NCKAP5: variants seen among roughly 807,000 people sequenced by gnomAD.
NCKAP5 encodes NCK associated protein 5.
NCKAP5 carries 92 observed loss-of-function variants against 167.0 expected under a neutral mutation model. The ratio of observed to expected loss-of-function variants is 0.55; its 90% CI spans 0.47 to 0.66. The LOEUF is 0.66. Ranked by LOEUF, NCKAP5 falls within the 30% of genes least tolerant of loss-of-function variation. NCKAP5 has a pLI of 0.00. For synonymous variants in NCKAP5, 891 were observed against 877.4 expected (o/e 1.02, Z -0.27); for missense variants, 2,378 against 2,315.0 (o/e 1.03, Z -0.56).
At position 133,178,170 on chromosome 2, in the gene NCKAP5, C is replaced by G. The variant is rs111655647; in HGVS notation, c.207+35546G>C. Among the ~76,000 whole-genome samples, 12 of 152,132 alleles carry G rather than the reference C, an allele frequency of 7.9e-5. No homozygotes were observed. In the East Asian group the frequency reaches 2.1e-3, roughly 27 times the overall value. Reference sequence around the variant, plus strand: ...ATCCTCCCTTTTCTCCTACTGGAGACGTAGCAATAGATGCCAGGCAGAGCC... The same window carrying G: ...ATCCTCCCTTTTCTCCTACTGGAGAGGTAGCAATAGATGCCAGGCAGAGCC... On this transcript the variant is annotated intron_variant, in intron 5 of 19. Coordinates refer to ENST00000409261, the MANE Select transcript of NCKAP5 (RefSeq NM_207363.3).
chr2:133,641,815 T>A, the NCKAP5 span, among the ~76,000 whole-genome samples: 1 of 152,326 alleles, frequency 6.6e-6, no homozygotes, highest in South Asian at 2.1e-4. Context: ...AACTCTTCCA[T>A]GGCAGGCTCA....
chr2:133,548,368 A>C (rs896283220), intron 2 of NCKAP5, among the ~76,000 whole-genome samples: 24 of 152,080 alleles, frequency 1.6e-4, no homozygotes, highest in Non-Finnish European at 2.9e-4. Flanking sequence ...GATTCAGGAA[A>C]TACAGAGAAT....
chr2:133,213,734 T>C lies in NCKAP5; in HGVS notation c.189A>G (p.Arg63=). ...VARLQREVAQ[R]TSEGAMHEKL... ...GACTTACCATGGCCCCCTCACTTGT[T>C]CTTTGGGCAACTTCTCGCTGTAGTC... Residue 63 remains arginine (R), a synonymous_variant, in exon 5 of 20, where the codon AGA becomes AGG. Coordinates refer to ENST00000409261, the MANE Select transcript of NCKAP5 (RefSeq NM_207363.3). 1 of 1,613,772 alleles carries C rather than the reference T, an allele frequency of 6.2e-7. No homozygotes were observed. Among genetic ancestry groups the C allele is most frequent in the Non-Finnish European group, 8.5e-7 (1 of 1,179,784 alleles).
chr2:133,654,421 A>C, the NCKAP5 span, among the ~76,000 whole-genome samples: 1 of 146,804 alleles, frequency 6.8e-6, no homozygotes, highest in Non-Finnish European at 1.5e-5. Context: ...AATCCCTCAA[A>C]TCTGTAGACT....
chr2:133,255,773 G>A (rs1434727357), intron 4 of NCKAP5, among the ~76,000 whole-genome samples: 1 of 152,180 alleles, frequency 6.6e-6, no homozygotes, highest in East Asian at 1.9e-4. Context: ...ATCTCTGGTA[G>A]TCTCAGCAAT....
intron 16 of NCKAP5, among the ~76,000 whole-genome samples, chr2:132,732,512 A>G (rs1026233300): frequency 3.3e-5 from 5 of 152,182 alleles, no homozygotes; most frequent in African/African-American, 1.2e-4. Flanking sequence ...CATGAAGTGG[A>G]CCTTTTTGAA....
chr2:133,658,801 T>A, the NCKAP5 span, among the ~76,000 whole-genome samples: 1 of 152,092 alleles, frequency 6.6e-6, no homozygotes, highest in African/African-American at 2.4e-5. Flanking sequence ...TTCCCCAATA[T>A]CCTGCTGATT....
At chr2:133,011,680 G>A (rs2078165735) in intron 6 of NCKAP5, among the ~76,000 whole-genome samples, 1 of 152,184 alleles carries the variant, frequency 6.6e-6, no homozygotes, top group Non-Finnish European at 1.5e-5. Context: ...CAGTTAATAA[G>A]CATGGCTATT....
chr2:133,465,267 T>A (rs977248568), intron 3 of NCKAP5, among the ~76,000 whole-genome samples: 2 of 151,556 alleles, frequency 1.3e-5, no homozygotes, highest in African/African-American at 4.8e-5. Flanking sequence ...TGTTTGGTTT[T>A]CTGTTCTTGA....
At chr2:132,918,420 G>C (rs1431628727) in intron 8 of NCKAP5, among the ~76,000 whole-genome samples, 3 of 152,108 alleles carry the variant, frequency 2.0e-5, no homozygotes, top group African/African-American at 7.2e-5. Context: ...TCTCTTGCTA[G>C]AAAAGAAATT....
At chr2:133,615,178 C>A in the NCKAP5 span, among the ~76,000 whole-genome samples, 1 of 152,170 alleles carries the variant, frequency 6.6e-6, no homozygotes, top group Non-Finnish European at 1.5e-5. Context: ...AAAACCGGTA[C>A]CAGCCACTGC....
chr2:133,102,909 G>A (rs553993309), intron 6 of NCKAP5, among the ~76,000 whole-genome samples: 37 of 152,244 alleles, frequency 2.4e-4, no homozygotes, highest in African/African-American at 8.9e-4. Flanking sequence ...GAATGCAAGA[G>A]GAGACTTTCG....
chr2:133,196,636 C>A (rs893004483), intron 5 of NCKAP5, among the ~76,000 whole-genome samples: 1 of 152,110 alleles, frequency 6.6e-6, no homozygotes, highest in Non-Finnish European at 1.5e-5. Flanking sequence ...AGAAGTTCCG[C>A]TGAACCAGCA....
At chr2:133,660,007 C>T in the NCKAP5 span, among the ~76,000 whole-genome samples, 8 of 152,100 alleles carry the variant, frequency 5.3e-5, no homozygotes, top group African/African-American at 1.4e-4. Context: ...GGAGATAGCA[C>T]GACCAATGGA....
chr2:132,754,254 C>T (rs1680353977), intron 16 of NCKAP5, among the ~76,000 whole-genome samples: 1 of 152,134 alleles, frequency 6.6e-6, no homozygotes, highest in African/African-American at 2.4e-5. Context: ...CTTTCCTGTA[C>T]TTGCTGATAA....
intron 8 of NCKAP5, among the ~76,000 whole-genome samples, chr2:132,885,792 A>G (rs1377848681): frequency 6.6e-6 from 1 of 152,252 alleles, no homozygotes; most frequent in Non-Finnish European, 1.5e-5. Context: ...GTAAGTATGT[A>G]TTATGTTTAA....
At chr2:133,137,650 A>C (rs541245800) in intron 5 of NCKAP5, among the ~76,000 whole-genome samples, 19 of 152,224 alleles carry the variant, frequency 1.2e-4, no homozygotes, top group Non-Finnish European at 2.2e-4. Context: ...TTCTTAGACA[A>C]AGATTATATA....
Position 133,384,838 on chromosome 2 carries a change from T to C in NCKAP5, c.70-81728A>G, listed in dbSNP as rs901195813. ...TTGTGAATGGGAATTCACTCATGAT[T>C]TGGCTGTTTGTCTGTTATTGGTGTA... On this transcript the variant is annotated intron_variant, in intron 3 of 19. Transcript: ENST00000409261. Among the ~76,000 whole-genome samples the C allele has an allele frequency of 2.3e-4, 35 of 152,178 alleles. 1 individual carries two copies. The highest frequency in any genetic ancestry group is 8.8e-5 in the Non-Finnish European group (6 of 68,024).
At chr2:133,357,088 C>T (rs1485679904) in intron 3 of NCKAP5, among the ~76,000 whole-genome samples, 1 of 152,164 alleles carries the variant, frequency 6.6e-6, no homozygotes, top group African/African-American at 2.4e-5. Flanking sequence ...GGGTGAGGCT[C>T]ATGTCTGCAT....
Sources: allele counts gnomAD v4.1 joint callset (sites outside exome capture counted in the v4.1 genomes callset), GRCh38; gene constraint gnomAD v4.1.1; transcripts MANE v1.5; gene names NCBI Gene and HGNC (gene_info 2026-07-23, HGNC 2026-07-21).